OR1F1: variants seen among roughly 807,000 people sequenced by gnomAD.
The protein encoded by OR1F1 is olfactory receptor 1F1.
For missense variants in OR1F1, 493 were observed against 376.3 expected (o/e 1.31, Z -2.57); for synonymous variants, 184 against 156.7 (o/e 1.17, Z -1.30).
At chr16:3,194,733 A>AG in the OR1F1 span, among the ~76,000 whole-genome samples, 3 of 152,188 alleles carry the variant, frequency 2.0e-5, no homozygotes, top group African/African-American at 7.2e-5. Flanking sequence ...TTGGAATTTA[A>AG]GGGGGGCACT....
At chr16:3,199,767 G>A (rs1014154864), upstream of OR1F1, among the ~76,000 whole-genome samples, 1 of 152,118 alleles carries the variant, frequency 6.6e-6, no homozygotes, top group Non-Finnish European at 1.5e-5. Context: ...TAATCTCTCA[G>A]CACTTTGAGA....
the OR1F1 span, among the ~76,000 whole-genome samples, chr16:3,197,995 GGGAGAA>G: frequency 6.0e-5 from 1 of 16,712 alleles, no homozygotes; most frequent in Non-Finnish European, 1.2e-4. Context: ...GAGAAGGAGA[GGGAGAA>G]GGAGAGGGAG....
upstream of OR1F1, among the ~76,000 whole-genome samples, chr16:3,200,545 C>T (rs1246169116): frequency 6.6e-6 from 1 of 152,192 alleles, no homozygotes; most frequent in Admixed American, 6.5e-5. Context: ...AGGCAGTGAG[C>T]CAAGATTGCG....
chr16:3,204,008 T>C (rs79220879), upstream of OR1F1, among the ~76,000 whole-genome samples: 2,861 of 152,298 alleles, frequency 0.019, 109 homozygotes, highest in African/African-American at 0.065. Flanking sequence ...TGTTCCATTT[T>C]AATTTTACAA....
upstream of OR1F1, among the ~76,000 whole-genome samples, chr16:3,201,057 AAGT>A (rs141815096): frequency 0.03 from 4,542 of 152,260 alleles, 228 homozygotes; most frequent in African/African-American, 0.1. Flanking sequence ...CATTTCATCT[AAGT>A]AGAATAATAC....
the OR1F1 span, among the ~76,000 whole-genome samples, chr16:3,194,243 T>C: frequency 6.6e-6 from 1 of 152,280 alleles, no homozygotes; most frequent in East Asian, 1.9e-4. Context: ...TATATCAAAG[T>C]GGGAAAATGT....
the OR1F1 span, among the ~76,000 whole-genome samples, chr16:3,192,277 T>C: frequency 2.7e-5 from 4 of 150,464 alleles, no homozygotes; most frequent in South Asian, 2.1e-4. Context: ...AGGATGGTCT[T>C]GATCTGACCT....
rs574249940 is a variant in OR1F1, at chr16:3,204,843, C to A, written c.597C>A (p.Ile199=). The stretch of plus-strand genomic sequence containing the variant: ...ACACACACCTCAATGAGGTCATAAT[C>A]CTTAGTGAGGGTGCCCTGGTCATGA... The change falls in exon 1 of 1, where the codon ATC becomes ATA. Residue 199 remains isoleucine, a synonymous_variant. Coordinates refer to ENST00000304646, the Ensembl canonical transcript of OR1F1. The A allele has an allele frequency of 1.0e-4, 165 of 1,614,158 alleles. 1 individual carries two copies. The East Asian group carries it at 3.5e-3, about 34-fold the overall frequency.
At chr16:3,200,230 T>C (rs1213775101), upstream of OR1F1, among the ~76,000 whole-genome samples, 1 of 152,098 alleles carries the variant, frequency 6.6e-6, no homozygotes, top group Non-Finnish European at 1.5e-5. Flanking sequence ...AGTGCACAAG[T>C]GCTGTAGCTG....
upstream of OR1F1, among the ~76,000 whole-genome samples, chr16:3,202,034 A>G (rs368645481): frequency 1.2e-4 from 18 of 152,304 alleles, no homozygotes; most frequent in East Asian, 1.5e-3. Context: ...CTGCTTTAGT[A>G]AAGCTGTTTT....
chr16:3,190,749 T>TAAAA, the OR1F1 span, among the ~76,000 whole-genome samples: 2,029 of 92,148 alleles, frequency 0.022, 112 homozygotes, highest in African/African-American at 0.082. Context: ...AGACTCTATC[T>TAAAA]AAAAAAAAAA....
exon 1 of OR1F1, chr16:3,204,847 A>G: frequency 6.2e-7 from 1 of 1,614,090 alleles, no homozygotes; most frequent in African/African-American, 1.3e-5. Flanking sequence ...CATAATCCTT[A>G]GTGAGGGTGC....
chr16:3,195,744 T>C, the OR1F1 span, among the ~76,000 whole-genome samples: 4 of 152,142 alleles, frequency 2.6e-5, no homozygotes, highest in African/African-American at 9.7e-5. Context: ...CCTCTTTCTT[T>C]TTCTGTTTTG....
At chr16:3,202,660 AAATAATAATAATAATAATAATAAT>A (rs3064190), upstream of OR1F1, among the ~76,000 whole-genome samples, 244 of 141,838 alleles carry the variant, frequency 1.7e-3, 1 homozygote, top group African/African-American at 5.6e-3. Context: ...TTCCATCTCA[AAATAATAATAATAATAATAATAAT>A]AATAATAATA....
chr16:3,197,003 A>G, the OR1F1 span, among the ~76,000 whole-genome samples: 2 of 152,086 alleles, frequency 1.3e-5, no homozygotes, highest in Admixed American at 6.6e-5. Context: ...CAGTCCCCCA[A>G]GTAGCTGGGA....
the OR1F1 span, among the ~76,000 whole-genome samples, chr16:3,198,660 A>AC: frequency 6.6e-6 from 1 of 152,116 alleles, no homozygotes; most frequent in Non-Finnish European, 1.5e-5. Flanking sequence ...CCTGGTAGAA[A>AC]CCATGAGGTC....
downstream of OR1F1, among the ~76,000 whole-genome samples, chr16:3,206,334 C>G (rs984711578): frequency 6.6e-6 from 1 of 152,208 alleles, no homozygotes; most frequent in Admixed American, 6.5e-5. Flanking sequence ...AGACCCTTAT[C>G]TGGAGGTTTT....
At chr16:3,190,745 T>G in the OR1F1 span, among the ~76,000 whole-genome samples, 1 of 95,910 alleles carries the variant, frequency 1.0e-5, no homozygotes, top group Non-Finnish European at 2.0e-5. Flanking sequence ...GGTAAGACTC[T>G]ATCTAAAAAA....
At chr16:3,192,095 C>T in the OR1F1 span, among the ~76,000 whole-genome samples, 3 of 152,292 alleles carry the variant, frequency 2.0e-5, no homozygotes, top group Non-Finnish European at 4.4e-5. Flanking sequence ...CTCGCTCGGT[C>T]GCCCAGGCTG....
Sources: gnomAD v4.1 joint callset for allele counts (sites outside exome capture counted in the v4.1 genomes callset) on GRCh38, gnomAD v4.1.1 for gene constraint, MANE v1.5 for transcripts, NCBI Gene and HGNC (gene_info 2026-07-23, HGNC 2026-07-21) for gene names.